The following LPP variants were observed in gnomAD, a reference collection of about 807,000 sequenced individuals.
LPP encodes the protein LIM domain containing preferred translocation partner in lipoma, also known as lipoma-preferred partner.
A neutral mutation model predicts 60.4 loss-of-function variants in LPP; 38 were observed. That is an observed-to-expected ratio of 0.63 (90% CI 0.49 to 0.83). The LOEUF (loss-of-function observed/expected upper bound fraction) is 0.83, where lower values mean the gene tolerates loss of function less well. LPP is among the 40% of genes least tolerant of loss of function. The pLI, the probability that LPP is intolerant of heterozygous loss-of-function variation, is 0.00. For missense variants in LPP, 902 were observed against 783.6 expected (o/e 1.15, Z -1.80); for synonymous variants, 328 against 290.8 (o/e 1.13, Z -1.30).
intron 6 of LPP, among the ~76,000 whole-genome samples, chr3:188,573,999 A>T (rs1256757145): frequency 6.6e-6 from 1 of 152,170 alleles, no homozygotes; most frequent in Non-Finnish European, 1.5e-5. Context: ...CCGTAGCTCC[A>T]ACTGTAATCT....
In LPP at chr3:188,428,596, A is replaced by ATAT. The variant is rs1553895829; in HGVS notation, c.193+22284_193+22285insATT. Among the ~76,000 whole-genome samples the ATAT allele has an allele frequency of 7.3e-3, 1,036 of 142,672 alleles. 8 individuals are homozygous for ATAT. Among genetic ancestry groups the ATAT allele is most frequent in the East Asian group, 0.023 (111 of 4,856 alleles). 93.6% of individuals were successfully genotyped at this position (142,672 alleles called of 152,430 possible). A position where few individuals can be genotyped will look rare whatever the true frequency, so the allele number is the denominator to read the frequency against. On this transcript the variant is annotated intron_variant, in intron 4 of 11. Transcript: ENST00000617246. ...GGATGGGCACTATATATATATATAT[A>ATAT]TTTTTTTTTTTTAACACTATCCATT... is the stretch of plus-strand genomic sequence containing the variant.
intron 2 of LPP, among the ~76,000 whole-genome samples, chr3:188,340,540 A>G (rs1578197195): frequency 6.6e-6 from 1 of 152,012 alleles, no homozygotes; most frequent in East Asian, 1.9e-4. Flanking sequence ...ATATTTCTCA[A>G]TAAATCCATC....
intron 5 of LPP, among the ~76,000 whole-genome samples, chr3:188,492,516 T>A (rs965317161): frequency 2.0e-5 from 3 of 152,030 alleles, no homozygotes; most frequent in African/African-American, 7.3e-5. Flanking sequence ...GCCAACATGA[T>A]GAAACCCCAT....
rs1319825290 is a variant in LPP, at chr3:188,874,895, C to A, written c.*416C>A. ...TTTAGGCTTGAAATCTCCATCCTAT[C>A]ATTTCCGTTTTGCCTGTGACTGTAA... On this transcript the variant is annotated 3_prime_UTR_variant, in exon 12 of 12. Transcript: ENST00000617246. 4.2e-6 allele frequency: 1 copy of A among 237,136 alleles called. No individual in the cohort carries two copies. The highest frequency in any genetic ancestry group is 8.4e-6 in the Non-Finnish European group (1 of 119,662). The allele number at this position is 237,136 out of a possible 1,614,324, so 14.7% of individuals were successfully genotyped here.
intron 6 of LPP, among the ~76,000 whole-genome samples, chr3:188,545,197 A>G (rs1391117056): frequency 7.1e-6 from 1 of 140,314 alleles, no homozygotes; most frequent in Non-Finnish European, 1.5e-5. Flanking sequence ...TGGCACATGT[A>G]TACATATGTA....
In LPP at chr3:188,659,868, A is replaced by C. The variant is rs566170632; in HGVS notation, c.1114-48399A>C. ...ATTTAAGAATAGGAAACTATTTTGC[A>C]ATCTATATGCCCTCTGCTTGTAATT... is the stretch of plus-strand genomic sequence containing the variant. On this transcript the variant is annotated intron_variant, in intron 7 of 11. Transcript: ENST00000617246. Among the ~76,000 whole-genome samples the C allele has an allele frequency of 1.3e-3, 191 of 150,892 alleles. 2 individuals are homozygous for C. Among genetic ancestry groups the C allele is most frequent in the African/African-American group, 4.2e-3 (170 of 40,832 alleles).
At chr3:188,153,354 C>A (rs1715087449), upstream of LPP, 1 of 152,204 alleles carries the variant, frequency 6.6e-6, no homozygotes, top group Non-Finnish European at 1.5e-5. Flanking sequence ...TTTGCCAGCT[C>A]TGACACCTTG....
chr3:188,646,573 T>C (rs745871831), intron 7 of LPP, among the ~76,000 whole-genome samples: 4 of 152,218 alleles, frequency 2.6e-5, no homozygotes, highest in Non-Finnish European at 5.9e-5. Flanking sequence ...GGCAAGGATG[T>C]GCATACAGAA....
chr3:188,171,778 G>A (rs768931645), intron 1 of LPP, among the ~76,000 whole-genome samples: 14 of 152,194 alleles, frequency 9.2e-5, no homozygotes, highest in Non-Finnish European at 1.3e-4. Flanking sequence ...GCACTACTAG[G>A]TTCTCAGCGT....
chr3:188,800,570 A>T (rs1163805137), intron 9 of LPP, among the ~76,000 whole-genome samples: 3 of 152,158 alleles, frequency 2.0e-5, no homozygotes, highest in African/African-American at 7.2e-5. Flanking sequence ...ATATATTTTT[A>T]AAATGGGTTT....
intron 9 of LPP, among the ~76,000 whole-genome samples, chr3:188,804,416 T>C (rs1029782539): frequency 1.3e-5 from 2 of 150,954 alleles, no homozygotes; most frequent in Non-Finnish European, 3.0e-5. Flanking sequence ...TGGTCACTTA[T>C]AAATTGGAGC....
intron 1 of LPP, among the ~76,000 whole-genome samples, chr3:188,195,674 GTA>G (rs1217005542): frequency 6.6e-6 from 1 of 152,156 alleles, no homozygotes; most frequent in Non-Finnish European, 1.5e-5. Flanking sequence ...AGTATAAAAA[GTA>G]ATGTAAAATA....
chr3:188,488,622 TTTTA>T (rs72105648), intron 5 of LPP, among the ~76,000 whole-genome samples: 60,458 of 149,476 alleles, frequency 0.4, 12,479 homozygotes, highest in East Asian at 0.54. Context: ...GGTCAGTTAG[TTTTA>T]TTTATTTATT....
chr3:188,312,120 G>A (rs1445598418), intron 2 of LPP, among the ~76,000 whole-genome samples: 1 of 151,226 alleles, frequency 6.6e-6, no homozygotes, highest in Non-Finnish European at 1.5e-5. Context: ...AAATAAACTG[G>A]GTATAAATAA....
At chr3:188,541,826 G>A (rs957578534) in intron 6 of LPP, among the ~76,000 whole-genome samples, 1 of 152,062 alleles carries the variant, frequency 6.6e-6, no homozygotes, top group African/African-American at 2.4e-5. Flanking sequence ...GAACTCAGGA[G>A]GTGGATGTTG....
intron 3 of LPP, among the ~76,000 whole-genome samples, chr3:188,385,841 A>G (rs1186142774): frequency 1.3e-5 from 2 of 152,204 alleles, no homozygotes; most frequent in Non-Finnish European, 2.9e-5. Context: ...AGTCTGCATT[A>G]GAAATATGTG....
intron 5 of LPP, among the ~76,000 whole-genome samples, chr3:188,485,434 C>T (rs1262412808): frequency 7.2e-5 from 11 of 152,012 alleles, no homozygotes; most frequent in Non-Finnish European, 1.2e-4. Context: ...TGACTATGTT[C>T]GCATAGATAC....
intron 3 of LPP, among the ~76,000 whole-genome samples, chr3:188,372,443 C>G (rs1773557035): frequency 1.3e-5 from 2 of 151,938 alleles, no homozygotes; most frequent in African/African-American, 2.4e-5. Context: ...AAAACAAAAC[C>G]CAAATACAAA....
chr3:188,460,422 C>G (rs897494416), intron 4 of LPP, among the ~76,000 whole-genome samples: 1 of 152,094 alleles, frequency 6.6e-6, no homozygotes, highest in African/African-American at 2.4e-5. Context: ...AATATTTCAT[C>G]CAGGAGAAGT....
Sources: allele counts gnomAD v4.1 joint callset (sites outside exome capture counted in the v4.1 genomes callset), GRCh38; gene constraint gnomAD v4.1.1; transcripts MANE v1.5; gene names NCBI Gene and HGNC (gene_info 2026-07-23, HGNC 2026-07-21).